Variants in MYO16 observed in about 807,000 individuals in gnomAD.
MYO16 encodes the protein unconventional myosin-XVI.
MYO16 carries 94 observed loss-of-function variants against 205.3 expected under a neutral mutation model. The ratio of observed to expected loss-of-function variants is 0.46; its 90% CI spans 0.39 to 0.54. MYO16 has a LOEUF of 0.54. Ranked by LOEUF, MYO16 falls within the 20% of genes least tolerant of loss-of-function variation. The probability of loss-of-function intolerance (pLI) is 0.00; values close to 1 mark genes in which losing one functional copy is unlikely to be tolerated. For missense variants in MYO16, 2,315 were observed against 2,387.5 expected, an observed-to-expected ratio of 0.97 and a Z score of 0.63; for synonymous variants, 988 against 954.0, an observed-to-expected ratio of 1.04 and a Z score of -0.66.
At chr13:108,528,744 A>C in the MYO16 span, among the ~76,000 whole-genome samples, 351 of 41,542 alleles carry the variant, frequency 8.4e-3, no homozygotes, top group Admixed American at 0.011. Flanking sequence ...ACCTCCCCTC[A>C]CCTCCCCTTT....
At chr13:108,898,566 CTTTAA>C (rs1880553521) in intron 15 of MYO16, among the ~76,000 whole-genome samples, 1 of 152,110 alleles carries the variant, frequency 6.6e-6, no homozygotes, top group African/African-American at 2.4e-5. Context: ...AACTCAAATA[CTTTAA>C]TTAAATAAAT....
chr13:108,833,452 G>T (rs1337051068), intron 9 of MYO16, among the ~76,000 whole-genome samples: 2 of 152,076 alleles, frequency 1.3e-5, no homozygotes, highest in South Asian at 4.1e-4. Context: ...TAGGAGTAAC[G>T]TTGAGAACTG....
At chr13:108,914,654 C>T (rs1051024697) in intron 16 of MYO16, among the ~76,000 whole-genome samples, 3 of 152,028 alleles carry the variant, frequency 2.0e-5, no homozygotes, top group Non-Finnish European at 4.4e-5. Flanking sequence ...TGCTGTAATT[C>T]CCTTTTTTTT....
chr13:108,562,521 T>C, the MYO16 span, among the ~76,000 whole-genome samples: 22 of 152,264 alleles, frequency 1.4e-4, no homozygotes, highest in African/African-American at 4.6e-4. Flanking sequence ...CATATTTATA[T>C]AACAGCGTCC....
intron 22 of MYO16, among the ~76,000 whole-genome samples, chr13:109,012,779 G>GTA (rs113007743): frequency 0.066 from 9,592 of 146,440 alleles, 334 homozygotes; most frequent in South Asian, 0.11. Flanking sequence ...ATGTGTGTGT[G>GTA]TATATATATA....
intron 32 of MYO16, among the ~76,000 whole-genome samples, chr13:109,158,806 C>T (rs1481075053): frequency 6.6e-6 from 1 of 152,126 alleles, no homozygotes; most frequent in Non-Finnish European, 1.5e-5. Flanking sequence ...GAAAATAAAT[C>T]AAAGTATACG....
intron 27 of MYO16, among the ~76,000 whole-genome samples, chr13:109,095,377 C>A (rs1888746222): frequency 6.6e-6 from 1 of 151,984 alleles, no homozygotes; most frequent in South Asian, 2.1e-4. Flanking sequence ...CGTGTGGCCT[C>A]AGATCAAAGT....
chr13:108,926,424 T>C (rs529572484), intron 16 of MYO16, among the ~76,000 whole-genome samples: 8 of 152,322 alleles, frequency 5.3e-5, no homozygotes, highest in African/African-American at 1.9e-4. Context: ...AGTCATAGCA[T>C]ATAGGCATCA....
intron 2 of MYO16, among the ~76,000 whole-genome samples, chr13:108,671,230 C>T (rs1881976057): frequency 6.6e-6 from 1 of 152,094 alleles, no homozygotes; most frequent in Non-Finnish European, 1.5e-5. Flanking sequence ...TTAAGGTGCT[C>T]AAAGTGATAG....
chr13:109,032,731 C>G (rs1418923774), intron 23 of MYO16, among the ~76,000 whole-genome samples: 3 of 152,154 alleles, frequency 2.0e-5, no homozygotes, highest in Admixed American at 2.0e-4. Flanking sequence ...GCATATTAGC[C>G]ATGCTGTAGT....
At chr13:108,959,216 TGTTTTTCTCCTTTA>T (rs11274691) in intron 17 of MYO16, among the ~76,000 whole-genome samples, 130,739 of 151,878 alleles carry the variant, frequency 0.86, 56,549 homozygotes, top group Middle Eastern at 0.95. Context: ...ACCCGGCCTC[TGTTTTTCTCCTTTA>T]GTTTTTCTCC....
At chr13:109,080,582 A>ATG (rs1566496409) in intron 27 of MYO16, among the ~76,000 whole-genome samples, 7 of 148,464 alleles carry the variant, frequency 4.7e-5, no homozygotes, top group Non-Finnish European at 7.4e-5. Flanking sequence ...CCCTCTTCAA[A>ATG]AAAAAAAAAA....
chr13:109,112,888 A>G (rs1360718005), intron 28 of MYO16, among the ~76,000 whole-genome samples: 1 of 152,196 alleles, frequency 6.6e-6, no homozygotes, highest in African/African-American at 2.4e-5. Flanking sequence ...ACCTTAATAC[A>G]TGTGAATTAT....
At chr13:108,889,753 G>A (rs1880073922) in intron 14 of MYO16, among the ~76,000 whole-genome samples, 1 of 152,112 alleles carries the variant, frequency 6.6e-6, no homozygotes, top group Non-Finnish European at 1.5e-5. Context: ...TTATGCTGAT[G>A]ATCATGACTC....
intron 34 of MYO16, among the ~76,000 whole-genome samples, chr13:109,180,457 C>T (rs936623563): frequency 3.3e-5 from 5 of 152,138 alleles, no homozygotes; most frequent in African/African-American, 1.2e-4. Context: ...GCTTTAGCAA[C>T]AGGATTCTCA....
rs1885500092 is a variant in MYO16, at chr13:109,008,962, G to C, written c.2508G>C (p.Glu836Asp). 17 of 1,613,302 alleles carry C rather than the reference G, an allele frequency of 1.1e-5. No individual in the cohort carries two copies. The highest frequency in any genetic ancestry group is 1.4e-5 in the Non-Finnish European group (17 of 1,179,542). Residue 836 changes from glutamate to aspartate, a missense_variant, in exon 22 of 35, where the codon GAG (glutamate) becomes GAC (aspartate). Glu to Asp is a conservative substitution (Grantham distance 45). Coordinates refer to ENST00000457511, the MANE Select transcript of MYO16 (RefSeq NM_001198950.3). ...HYINEVLFLH[E>D]QVECVQEGVT... is the part of the protein sequence containing the mutation. ...TCAATGAAGTGCTTTTTCTCCACGA[G>C]CAAGTGGAATGTGTACAAGAGGGAG... is the stretch of plus-strand genomic sequence containing the variant.
At chr13:109,152,570 T>C (rs1877734353) in intron 32 of MYO16, among the ~76,000 whole-genome samples, 1 of 152,202 alleles carries the variant, frequency 6.6e-6, no homozygotes, top group Non-Finnish European at 1.5e-5. Flanking sequence ...TGTGGGATCA[T>C]AAAAACGTCT....
chr13:108,736,286 T>C (rs1239937684), intron 4 of MYO16, among the ~76,000 whole-genome samples: 2 of 152,232 alleles, frequency 1.3e-5, no homozygotes, highest in African/African-American at 4.8e-5. Flanking sequence ...AGGTCTAACA[T>C]TGAAGTCTTT....
intron 1 of MYO16, among the ~76,000 whole-genome samples, chr13:108,597,549 A>G (rs2139293743): frequency 6.6e-6 from 1 of 152,274 alleles, no homozygotes; most frequent in African/African-American, 2.4e-5. Flanking sequence ...TTCTCCTGTC[A>G]GTCACCTTGG....
Sources: allele counts gnomAD v4.1 joint callset (sites outside exome capture counted in the v4.1 genomes callset), GRCh38; gene constraint gnomAD v4.1.1; transcripts MANE v1.5; gene names NCBI Gene and HGNC (gene_info 2026-07-23, HGNC 2026-07-21).